The following PMPCB variants were observed in gnomAD, a reference collection of about 807,000 sequenced individuals.
PMPCB encodes peptidase, mitochondrial processing subunit beta, also known as mitochondrial-processing peptidase subunit beta.
In PMPCB, 46 loss-of-function variants were observed where a neutral mutation model predicts 61.5. That is an observed-to-expected ratio of 0.75 (90% CI 0.59 to 0.96). The LOEUF (loss-of-function observed/expected upper bound fraction) is 0.96. PMPCB is among the 40% of genes least tolerant of loss of function. PMPCB has a pLI of 0.00. For missense variants in PMPCB, 590 were observed against 602.4 expected (o/e 0.98, Z 0.22); for synonymous variants, 191 against 201.6 (o/e 0.95, Z 0.44).
At chr7:103,337,933 G>T in the PMPCB span, 1 of 696,826 alleles carries the variant, frequency 1.4e-6, no homozygotes. Flanking sequence ...CCAGTAAGAG[G>T]TTCTGTATAA....
chr7:103,328,491 C>A (rs1009739271), intron 12 of PMPCB, among the ~76,000 whole-genome samples: 1 of 151,824 alleles, frequency 6.6e-6, no homozygotes, highest in East Asian at 2.0e-4. Flanking sequence ...ACTAGCTGGG[C>A]GTGGTGGTGC....
chr7:103,322,031 C>T lies in PMPCB; in HGVS notation c.*1432-6900C>T, dbSNP rs142695020. 1,135 of 1,613,738 alleles carry T rather than the reference C, an allele frequency of 7.0e-4. 6 individuals carry two copies. In the African/African-American group the frequency reaches 0.014, roughly 20 times the overall value. On this transcript the variant is annotated intron_variant and NMD_transcript_variant, in intron 12 of 12. Transcript: ENST00000444457. Reference sequence around the variant, plus strand: ...GCAATGCTTGCTGTCTGACTTCCTCCTCTTCTTTCTCCTTAGCTAACCGAG... The same window carrying T: ...GCAATGCTTGCTGTCTGACTTCCTCTTCTTCTTTCTCCTTAGCTAACCGAG...
chr7:103,345,361 AT>A, the PMPCB span, among the ~76,000 whole-genome samples: 149 of 152,140 alleles, frequency 9.8e-4, no homozygotes, highest in Non-Finnish European at 9.1e-4. Context: ...CTGGGACTTA[AT>A]TTTTTAATGT....
At chr7:103,347,052 A>G in the PMPCB span, among the ~76,000 whole-genome samples, 1 of 152,300 alleles carries the variant, frequency 6.6e-6, no homozygotes, top group East Asian at 1.9e-4. Context: ...ATTATTTTTA[A>G]TTTCCTGAGG....
chr7:103,343,999 C>T, the PMPCB span, among the ~76,000 whole-genome samples: 1 of 152,216 alleles, frequency 6.6e-6, no homozygotes, highest in Non-Finnish European at 1.5e-5. Flanking sequence ...AAAACTAAAA[C>T]CTACAGCAGC....
chr7:103,309,504 ATATAG>A (rs1380881975), intron 8 of PMPCB, among the ~76,000 whole-genome samples: 12 of 152,252 alleles, frequency 7.9e-5, no homozygotes, highest in African/African-American at 2.9e-4. Context: ...TTCCTAAACA[ATATAG>A]TATAACAACT....
rs376842569 is a variant in PMPCB, at chr7:103,307,590, A to G, written c.737-6A>G. ...ATACATGTGAAAATATTTTCTTTCA[A>G]TTTAGGTGTTTCCCATGATGAATTG... On this transcript the variant is annotated splice_polypyrimidine_tract_variant and splice_region_variant and intron_variant, in intron 6 of 12. Transcript: ENST00000249269. The G allele has an allele frequency of 9.0e-6, 14 of 1,552,524 alleles. No homozygotes were observed. In the African/African-American group the frequency reaches 1.1e-4, roughly 12 times the overall value.
downstream of PMPCB, among the ~76,000 whole-genome samples, chr7:103,318,102 T>C (rs1295273850): frequency 6.6e-6 from 1 of 152,198 alleles, no homozygotes; most frequent in Non-Finnish European, 1.5e-5. Flanking sequence ...ATTAAAAACC[T>C]GATCATTGGT....
At chr7:103,337,476 G>A in the PMPCB span, 3 of 337,526 alleles carry the variant, frequency 8.9e-6, no homozygotes, top group African/African-American at 6.4e-5. Flanking sequence ...GCTTGCCATT[G>A]GAGGAGTATT....
chr7:103,309,961 ATAATCT>A lies in PMPCB; in HGVS notation c.994-350_994-345del, dbSNP rs780046667. On this transcript the variant is annotated intron_variant, in intron 8 of 12. Coordinates refer to ENST00000249269, the MANE Select transcript of PMPCB (RefSeq NM_004279.3). ...TTTCTCCAAAATACATTTCATCTAA[ATAATCT>A]TAAGCTTCATATGCAATATAACTTT... is the stretch of plus-strand genomic sequence containing the variant. 2.6e-5 allele frequency among the ~76,000 whole-genome samples: 4 copies of A among 152,380 alleles called. No individual in the cohort carries two copies. The East Asian group carries it at 5.8e-4, about 22-fold the overall frequency.
intron 4 of PMPCB, among the ~76,000 whole-genome samples, chr7:103,302,528 T>G (rs1045563943): frequency 5.9e-5 from 9 of 152,226 alleles, no homozygotes; most frequent in Non-Finnish European, 1.2e-4. Flanking sequence ...GGGCTCTTTC[T>G]CACCCATTTT....
In PMPCB at chr7:103,312,774, G is replaced by C. The variant is rs1817821701; in HGVS notation, c.*503G>C. The C allele has an allele frequency of 6.6e-7, 1 of 1,511,718 alleles. No homozygotes were observed. Among genetic ancestry groups the C allele is most frequent in the Non-Finnish European group, 8.8e-7 (1 of 1,138,762 alleles). The allele number at this position is 1,511,718 out of a possible 1,614,324, so 93.6% of individuals were successfully genotyped here. On this transcript the variant is annotated 3_prime_UTR_variant, in exon 13 of 13. Transcript: ENST00000249269. ...AATATACTGATTTCATTATCTGCCA[G>C]GGCCTAGAAAGTTTCTAAGGTTGCT...
chr7:103,327,927 T>C (rs1300958185), intron 12 of PMPCB, among the ~76,000 whole-genome samples: 1 of 152,188 alleles, frequency 6.6e-6, no homozygotes, highest in East Asian at 1.9e-4. Flanking sequence ...TATTTCTTCT[T>C]ATTATTTTTT....
At chr7:103,308,356 T>C (rs1817642553) in intron 7 of PMPCB, among the ~76,000 whole-genome samples, 1 of 152,216 alleles carries the variant, frequency 6.6e-6, no homozygotes, top group African/African-American at 2.4e-5. Context: ...GTGCGGTGGC[T>C]TACGCCTGTA....
intron 9 of PMPCB, 145 bp from the exon 10 acceptor site, chr7:103,311,498 A>G (rs1817750861): frequency 9.6e-6 from 6 of 624,082 alleles, no homozygotes; most frequent in South Asian, 6.3e-5. Flanking sequence ...ACTGGGGAAA[A>G]TAATCATTTT....
chr7:103,347,451 T>C, the PMPCB span: 2 of 349,848 alleles, frequency 5.7e-6, no homozygotes, highest in Non-Finnish European at 1.1e-5. Context: ...ACTATATTTG[T>C]AGATGTGGCC....
chr7:103,322,660 TTGAATTTC>T, intron 12 of PMPCB: 1 of 1,613,138 alleles, frequency 6.2e-7, no homozygotes, highest in Non-Finnish European at 8.5e-7. Context: ...TAATCTCATT[TTGAATTTC>T]TAACATTTAG....
At chr7:103,305,444 G>A (rs1817550520) in intron 6 of PMPCB, among the ~76,000 whole-genome samples, 1 of 152,022 alleles carries the variant, frequency 6.6e-6, no homozygotes, top group Admixed American at 6.6e-5. Flanking sequence ...TAGAAATAGA[G>A]ATGGATTCTT....
chr7:103,298,878 C>T (rs1368864391), intron 2 of PMPCB, among the ~76,000 whole-genome samples, 170 bp downstream of exon 2: 1 of 152,190 alleles, frequency 6.6e-6, no homozygotes, highest in Non-Finnish European at 1.5e-5. Context: ...TACTTAGTTA[C>T]AGGGTGCATA....
Sources: allele counts gnomAD v4.1 joint callset (sites outside exome capture counted in the v4.1 genomes callset), GRCh38; gene constraint gnomAD v4.1.1; transcripts MANE v1.5; gene names NCBI Gene and HGNC (gene_info 2026-07-23, HGNC 2026-07-21).